FAM78B: variants seen among roughly 807,000 people sequenced by gnomAD.
The protein encoded by FAM78B is protein FAM78B.
In FAM78B, 10 loss-of-function variants were observed where a neutral mutation model predicts 20.0. The observed-to-expected ratio is 0.50, with a 90% CI of 0.31 to 0.85. The LOEUF is 0.85. Among genes scored for constraint, FAM78B ranks in the 40% least tolerant of loss-of-function variants. The pLI is 0.05. For missense variants in FAM78B, 283 were observed against 345.0 expected, an observed-to-expected ratio of 0.82 and a Z score of 1.42; for synonymous variants, 135 against 132.8, an observed-to-expected ratio of 1.02 and a Z score of -0.12.
intron 1 of FAM78B, among the ~76,000 whole-genome samples, chr1:166,077,604 T>C (rs1321346629): frequency 2.8e-5 from 4 of 144,684 alleles, no homozygotes; most frequent in Non-Finnish European, 6.0e-5. Context: ...TATAATTATA[T>C]ATTTATATAA....
chr1:166,166,840 G>A lies in FAM78B; in HGVS notation c.-592C>T, dbSNP rs865881774. ...GGCAGCAGCGGCGGCGGCGGCGACC[G>A]GAGCTCCCGCCGGCCCCGCCCCGTA... On this transcript the variant is annotated 5_prime_UTR_variant, in exon 1 of 2. Transcript: ENST00000354422. 1,562 of 151,000 alleles carry A rather than the reference G, an allele frequency of 0.01. 34 individuals are homozygous for A. The highest frequency in any genetic ancestry group is 0.036 in the African/African-American group (1,479 of 41,284). The allele number at this position is 151,000 out of a possible 1,614,324, so 9.4% of individuals were successfully genotyped here. A position where few individuals can be genotyped will look rare whatever the true frequency, so the allele number is the denominator to read the frequency against.
intron 1 of FAM78B, among the ~76,000 whole-genome samples, chr1:166,114,229 C>G (rs1654174547): frequency 6.6e-6 from 1 of 152,166 alleles, no homozygotes; most frequent in Admixed American, 6.5e-5. Context: ...AAATTCTTGA[C>G]ACAAACCTGT....
intron 1 of FAM78B, among the ~76,000 whole-genome samples, chr1:166,127,325 C>T (rs1432090309): frequency 6.6e-6 from 1 of 152,212 alleles, no homozygotes; most frequent in Non-Finnish European, 1.5e-5. Context: ...GCTGCCTCCA[C>T]CCCAATCACC....
rs189635081 is a variant in FAM78B, at chr1:166,130,083, C to T, written c.263+35903G>A. Among the ~76,000 whole-genome samples, 10 of 152,320 alleles carry T rather than the reference C, an allele frequency of 6.6e-5. No individual in the cohort carries two copies. In the South Asian group the frequency reaches 1.2e-3, roughly 19 times the overall value. ...ACATCACCTCCTCTGTGAAGTGCTTCCTCTCTGACACCTGAGCATGCCTTT... is the reference window on the plus strand; with the variant it reads ...ACATCACCTCCTCTGTGAAGTGCTTTCTCTCTGACACCTGAGCATGCCTTT... On this transcript the variant is annotated intron_variant, in intron 1 of 1. Coordinates refer to ENST00000354422, the MANE Select transcript of FAM78B (RefSeq NM_001017961.5).
intron 1 of FAM78B, among the ~76,000 whole-genome samples, chr1:166,086,160 G>C (rs1652821012): frequency 1.3e-5 from 2 of 151,784 alleles, no homozygotes; most frequent in South Asian, 2.1e-4. Flanking sequence ...GGCAGAGATG[G>C]GACAAACTTA....
At chr1:166,099,888 G>A (rs1653441903) in intron 1 of FAM78B, among the ~76,000 whole-genome samples, 1 of 152,100 alleles carries the variant, frequency 6.6e-6, no homozygotes, top group Admixed American at 6.5e-5. Flanking sequence ...AGTCAACAAA[G>A]AAACAATGGA....
chr1:166,091,532 G>A (rs953745638), intron 1 of FAM78B, among the ~76,000 whole-genome samples: 3 of 152,146 alleles, frequency 2.0e-5, no homozygotes, highest in Non-Finnish European at 4.4e-5. Context: ...CAGCCATATG[G>A]AACTCTAAGT....
At chr1:166,084,575 A>T (rs768995016) in intron 1 of FAM78B, among the ~76,000 whole-genome samples, 5 of 152,244 alleles carry the variant, frequency 3.3e-5, no homozygotes, top group Non-Finnish European at 7.3e-5. Flanking sequence ...GGTTATTCCC[A>T]AGGGATGAGT....
intron 1 of FAM78B, among the ~76,000 whole-genome samples, chr1:166,104,654 G>A (rs956931191): frequency 5.9e-5 from 9 of 152,282 alleles, no homozygotes; most frequent in African/African-American, 2.2e-4. Context: ...CAAGGGACGT[G>A]AAGGACCTCT....
rs76099790 is a variant in FAM78B, at chr1:166,096,330, T to C, written c.264-25567A>G. 8.5e-3 allele frequency among the ~76,000 whole-genome samples: 1,289 copies of C among 152,312 alleles called. 16 individuals carry two copies. The highest frequency in any genetic ancestry group is 0.03 in the African/African-American group (1,246 of 41,564). On this transcript the variant is annotated intron_variant, in intron 1 of 1. Transcript: ENST00000354422. ...TGGTCAGCACATGGCCTGGCCACTC[T>C]GGCATAACACAGTGAGCTTGGGCTG...
chr1:166,161,082 G>T lies in FAM78B; in HGVS notation c.263+4904C>A, dbSNP rs2116518. Among the ~76,000 whole-genome samples the T allele has an allele frequency of 9.7e-4, 148 of 152,316 alleles. 2 individuals are homozygous for T. The highest frequency in any genetic ancestry group is 6.9e-3 in the Admixed American group (106 of 15,304). On this transcript the variant is annotated intron_variant, in intron 1 of 1. Transcript: ENST00000354422. ...AACGTTCTGAGTTGGGATAAAGTTG[G>T]TTCTTTTGAAAGACTGGAAGAAGGC...
intron 1 of FAM78B, among the ~76,000 whole-genome samples, chr1:166,144,789 C>T (rs1312355827): frequency 4.6e-5 from 7 of 151,996 alleles, no homozygotes; most frequent in Non-Finnish European, 7.4e-5. Flanking sequence ...ATAGAGCCCA[C>T]AAAAGAAGGA....
chr1:166,139,964 T>C (rs748874376), intron 1 of FAM78B, among the ~76,000 whole-genome samples: 20 of 152,082 alleles, frequency 1.3e-4, no homozygotes, highest in Non-Finnish European at 2.8e-4. Context: ...CAGAGGAACC[T>C]TGGAGGAAGG....
intron 1 of FAM78B, among the ~76,000 whole-genome samples, chr1:166,084,235 A>T (rs79870475): frequency 1.9e-4 from 23 of 120,056 alleles, no homozygotes; most frequent in African/African-American, 3.1e-4. Context: ...ACACACACAC[A>T]CACTCTCTCT....
chr1:166,073,110 G>T (rs10918337), intron 1 of FAM78B, among the ~76,000 whole-genome samples: 9,537 of 152,226 alleles, frequency 0.063, 1,005 homozygotes, highest in African/African-American at 0.22. Flanking sequence ...TATCTCAGGA[G>T]GGAAGGAAAA....
chr1:166,156,168 G>A (rs1655888215), intron 1 of FAM78B, among the ~76,000 whole-genome samples: 1 of 152,246 alleles, frequency 6.6e-6, no homozygotes, highest in African/African-American at 2.4e-5. Context: ...GGCAGGCCTC[G>A]CACAGTGACC....
At chr1:166,063,606 A>C (rs1651690987) in intron 2 of FAM78B, among the ~76,000 whole-genome samples, 1 of 152,134 alleles carries the variant, frequency 6.6e-6, no homozygotes, top group African/African-American at 2.4e-5. Flanking sequence ...TGCTTGGCTC[A>C]CCCAGTCCCA....
At chr1:166,163,869 A>T (rs79786304) in intron 1 of FAM78B, among the ~76,000 whole-genome samples, 4,072 of 152,332 alleles carry the variant, frequency 0.027, 230 homozygotes, top group Admixed American at 0.13. Flanking sequence ...TCCTACATCT[A>T]CATGAAAACC....
chr1:166,060,181 G>C, exon 3 of FAM78B: 1 of 186,288 alleles, frequency 5.4e-6, no homozygotes, highest in Non-Finnish European at 1.1e-5. Flanking sequence ...CATGGAGAAG[G>C]AGGAGGAAGG....
Sources: gnomAD v4.1 joint callset for allele counts (sites outside exome capture counted in the v4.1 genomes callset) on GRCh38, gnomAD v4.1.1 for gene constraint, MANE v1.5 for transcripts, NCBI Gene and HGNC (gene_info 2026-07-23, HGNC 2026-07-21) for gene names.